Variants in ZNRF1 observed in about 807,000 individuals in gnomAD.
ZNRF1 encodes zinc and ring finger 1, also known as E3 ubiquitin-protein ligase ZNRF1.
A neutral mutation model predicts 18.4 loss-of-function variants in ZNRF1; 3 were observed. The ratio of observed to expected loss-of-function variants is 0.16; its 90% confidence interval spans 0.07 to 0.42. ZNRF1 has a LOEUF of 0.42. Among genes scored for constraint, ZNRF1 ranks in the 10% least tolerant of loss-of-function variants. The pLI is 0.99. For synonymous variants in ZNRF1, 157 were observed against 144.2 expected (o/e 1.09, Z -0.64); for missense variants, 310 against 329.8 (o/e 0.94, Z 0.47).
chr16:75,073,628 G>A (rs530247484), intron 1 of ZNRF1, among the ~76,000 whole-genome samples: 1 of 152,204 alleles, frequency 6.6e-6, no homozygotes, highest in South Asian at 2.1e-4. Context: ...GGATTCTTTT[G>A]TTTCTTTTTT....
chr16:75,053,872 CT>C (rs1395081457), intron 1 of ZNRF1, among the ~76,000 whole-genome samples: 1 of 152,200 alleles, frequency 6.6e-6, no homozygotes, highest in Non-Finnish European at 1.5e-5. Context: ...GGCTCCTGTA[CT>C]CCCTGTTCAG....
At chr16:75,073,286 A>G (rs953254087) in intron 1 of ZNRF1, among the ~76,000 whole-genome samples, 2 of 151,684 alleles carry the variant, frequency 1.3e-5, no homozygotes, top group Non-Finnish European at 2.9e-5. Context: ...ATTGCTTGCT[A>G]GTTTTTATTA....
chr16:75,110,615 A>T lies in ZNRF1; in HGVS notation c.*2915A>T, dbSNP rs891071780. On this transcript the variant is annotated 3_prime_UTR_variant, in exon 5 of 5. Coordinates refer to ENST00000335325, the MANE Select transcript of ZNRF1 (RefSeq NM_032268.5). ...ATAAGGCCAAAATGTTCATTGTTGA[A>T]TCTGCAGTGGCTGGTATTTCAGTGA... 1 of 152,264 alleles carries T rather than the reference A, an allele frequency of 6.6e-6. No homozygotes were observed. The highest frequency in any genetic ancestry group is 1.5e-5 in the Non-Finnish European group (1 of 68,046). The allele number at this position is 152,264 out of a possible 1,614,324, so 9.4% of individuals were successfully genotyped here. A position where few individuals can be genotyped will look rare whatever the true frequency, so the allele number is the denominator to read the frequency against.
At chr16:75,097,829 T>C (rs1271777038) in intron 2 of ZNRF1, among the ~76,000 whole-genome samples, 1 of 151,944 alleles carries the variant, frequency 6.6e-6, no homozygotes, top group Admixed American at 6.6e-5. Flanking sequence ...AAATAAAATA[T>C]AAAATAAAAA....
rs891972704 is a variant in ZNRF1, at chr16:75,027,527, C to T, written c.424+27432C>T. On this transcript the variant is annotated intron_variant, in intron 1 of 4. Transcript: ENST00000335325. ...TCAGTCCTTTCAACCATCTTTGACT[C>T]CAGCAGGAACTACAGCCCATTGAAC... 3.3e-5 allele frequency among the ~76,000 whole-genome samples: 5 copies of T among 152,246 alleles called. No homozygotes were observed. In the East Asian group the frequency reaches 7.7e-4, roughly 23 times the overall value.
intron 2 of ZNRF1, 52 bp downstream of exon 2, chr16:75,093,719 G>T: frequency 1.3e-6 from 2 of 1,481,836 alleles, no homozygotes; most frequent in South Asian, 2.3e-5. Context: ...CGGGGGAGCC[G>T]GCCAGTCCTT....
intron 1 of ZNRF1, among the ~76,000 whole-genome samples, chr16:75,061,948 G>A (rs1399405518): frequency 1.3e-5 from 2 of 152,194 alleles, no homozygotes; most frequent in African/African-American, 4.8e-5. Flanking sequence ...GCCTGCTGCC[G>A]AGACAGTAGA....
At chr16:75,050,901 A>AAAAC (rs2035590945) in intron 1 of ZNRF1, among the ~76,000 whole-genome samples, 14 of 133,594 alleles carry the variant, frequency 1.0e-4, no homozygotes, top group Non-Finnish European at 1.9e-4. Context: ...AAAAAAAACA[A>AAAAC]AAAACTTGTA....
intron 1 of ZNRF1, among the ~76,000 whole-genome samples, chr16:75,049,259 C>G (rs140351026): frequency 6.6e-6 from 1 of 152,142 alleles, no homozygotes; most frequent in Admixed American, 6.5e-5. Context: ...CCCGCTTTGG[C>G]CCCCCAAAGT....
At chr16:75,018,769 T>C (rs1395907509) in intron 1 of ZNRF1, among the ~76,000 whole-genome samples, 1 of 152,212 alleles carries the variant, frequency 6.6e-6, no homozygotes, top group African/African-American at 2.4e-5. Flanking sequence ...ATTTTTTTAA[T>C]ACATTTCCAG....
At chr16:75,051,414 G>A (rs2035602386) in intron 1 of ZNRF1, among the ~76,000 whole-genome samples, 1 of 151,984 alleles carries the variant, frequency 6.6e-6, no homozygotes, top group African/African-American at 2.4e-5. Flanking sequence ...TCCTCATGGT[G>A]GCCAGGGTGG....
intron 1 of ZNRF1, among the ~76,000 whole-genome samples, chr16:75,087,872 G>GAGCC (rs2039391588): frequency 6.6e-6 from 1 of 152,226 alleles, no homozygotes; most frequent in African/African-American, 2.4e-5. Flanking sequence ...CATGTGCAGG[G>GAGCC]AGCCGCTGGG....
At chr16:75,028,615 A>G (rs7189957) in intron 1 of ZNRF1, among the ~76,000 whole-genome samples, 145,025 of 152,360 alleles carry the variant, frequency 0.95, 69,442 homozygotes, top group East Asian at 1. Flanking sequence ...CTTTTAAGAC[A>G]AAAAGTTCTC....
chr16:75,000,055 A>G lies in ZNRF1; in HGVS notation c.384A>G (p.Leu128=), dbSNP rs753245714. Residue 128 remains leucine, a synonymous_variant, in exon 1 of 5, where the codon CTA becomes CTG. Coordinates refer to ENST00000335325, the MANE Select transcript of ZNRF1 (RefSeq NM_032268.5). ...LGSRASLADA[L]PLHIAPRWFS... is the part of the protein sequence containing the mutation. The stretch of plus-strand genomic sequence containing the variant: ...CCCGAGCCTCGCTGGCGGATGCTCT[A>G]CCTCTGCACATCGCACCCAGGTGGT... 1.9e-5 allele frequency: 31 copies of G among 1,601,410 alleles called. No homozygotes were observed. The Admixed American group carries it at 4.3e-4, about 22-fold the overall frequency.
At chr16:75,065,491 T>G (rs1460587650) in intron 1 of ZNRF1, among the ~76,000 whole-genome samples, 2 of 152,194 alleles carry the variant, frequency 1.3e-5, no homozygotes, top group Non-Finnish European at 2.9e-5. Context: ...GGGTAGGGAT[T>G]AAGGTGTGGG....
intron 1 of ZNRF1, among the ~76,000 whole-genome samples, chr16:75,075,075 T>C (rs113495361): frequency 1.6e-5 from 2 of 126,448 alleles, no homozygotes; most frequent in African/African-American, 6.0e-5. Context: ...TTCCCCCCTA[T>C]CTCTGGGCAC....
intron 1 of ZNRF1, among the ~76,000 whole-genome samples, chr16:75,009,736 C>A (rs562709495): frequency 6.6e-6 from 1 of 151,740 alleles, no homozygotes; most frequent in African/African-American, 2.4e-5. Context: ...GTAGCTGCAC[C>A]ATTTTATATT....
Position 75,010,711 on chromosome 16 carries a change from G to GTTTTTTTTTTTTTTTTT in ZNRF1, c.424+10623_424+10624insTTTTTTTTTTTTTTTTT, listed in dbSNP as rs67210395. Among the ~76,000 whole-genome samples, 36 of 74,334 alleles carry GTTTTTTTTTTTTTTTTT rather than the reference G, an allele frequency of 4.8e-4. 2 individuals are homozygous for GTTTTTTTTTTTTTTTTT. Among genetic ancestry groups the GTTTTTTTTTTTTTTTTT allele is most frequent in the Non-Finnish European group, 7.8e-4 (25 of 31,888 alleles). 48.8% of individuals were successfully genotyped at this position (74,334 alleles called of 152,430 possible). ...CCTCTGTACTGTACTGTTTTTTTTT[G>GTTTTTTTTTTTTTTTTT]TTTTTTTGTTTTTTTTTTTTTGAGG... On this transcript the variant is annotated intron_variant, in intron 1 of 4. Transcript: ENST00000335325.
At chr16:75,089,512 C>T (rs919040881) in intron 1 of ZNRF1, among the ~76,000 whole-genome samples, 6 of 152,222 alleles carry the variant, frequency 3.9e-5, no homozygotes, top group African/African-American at 9.6e-5. Flanking sequence ...CCTCTTCCTA[C>T]ACCAGTGGTG....
Sources: gnomAD v4.1 joint callset for allele counts (sites outside exome capture counted in the v4.1 genomes callset) on GRCh38, gnomAD v4.1.1 for gene constraint, MANE v1.5 for transcripts, NCBI Gene and HGNC (gene_info 2026-07-23, HGNC 2026-07-21) for gene names.